The following PTPRK variants were observed in gnomAD, a reference collection of about 807,000 sequenced individuals.
The protein encoded by PTPRK is protein tyrosine phosphatase receptor type K.
In PTPRK, 75 loss-of-function variants were observed where a neutral mutation model predicts 178.0. The ratio of observed to expected loss-of-function variants is 0.42; its 90% CI spans 0.35 to 0.51. The LOEUF (loss-of-function observed/expected upper bound fraction) is 0.51, where lower values mean the gene tolerates loss of function less well. Ranked by LOEUF, PTPRK falls within the 20% of genes least tolerant of loss-of-function variation. The pLI is 0.02. For missense variants in PTPRK, 1,441 were observed against 1,797.8 expected, an observed-to-expected ratio of 0.80 and a Z score of 3.59; for synonymous variants, 637 against 620.6, an observed-to-expected ratio of 1.03 and a Z score of -0.39.
intron 3 of PTPRK, among the ~76,000 whole-genome samples, chr6:128,260,716 A>G (rs1158256242): frequency 6.6e-6 from 1 of 152,146 alleles, no homozygotes; most frequent in Non-Finnish European, 1.5e-5. Context: ...AATTATTTCA[A>G]AACAAGCTTA....
intron 13 of PTPRK, among the ~76,000 whole-genome samples, chr6:128,025,727 C>A (rs1485136858): frequency 6.6e-6 from 1 of 152,142 alleles, no homozygotes; most frequent in Non-Finnish European, 1.5e-5. Context: ...TTGCCTTTTC[C>A]AGCTACCAGT....
chr6:128,490,783 A>G (rs1182991408), intron 1 of PTPRK, among the ~76,000 whole-genome samples: 2 of 152,194 alleles, frequency 1.3e-5, no homozygotes, highest in African/African-American at 4.8e-5. Context: ...CCAGAGGCTG[A>G]AAGTCCAAGA....
intron 6 of PTPRK, among the ~76,000 whole-genome samples, chr6:128,208,705 G>A (rs867526289): frequency 2.4e-4 from 36 of 151,992 alleles, no homozygotes; most frequent in African/African-American, 8.5e-4. Flanking sequence ...TAGGCTAAAG[G>A]CTATGAAATG....
At chr6:128,000,204 G>T (rs1434595222) in intron 15 of PTPRK, 11 of 1,085,344 alleles carry the variant, frequency 1.0e-5, no homozygotes, top group Non-Finnish European at 1.1e-5. Context: ...ATACTGTAGA[G>T]AATGATATTT....
chr6:128,248,157 CT>C (rs1292595329), intron 3 of PTPRK, among the ~76,000 whole-genome samples: 2 of 152,174 alleles, frequency 1.3e-5, no homozygotes, highest in Non-Finnish European at 2.9e-5. Flanking sequence ...GTATCTTTAT[CT>C]GTTATGACAA....
At chr6:128,386,393 T>C (rs1384563487) in intron 2 of PTPRK, among the ~76,000 whole-genome samples, 1 of 152,156 alleles carries the variant, frequency 6.6e-6, no homozygotes, top group Admixed American at 6.5e-5. Context: ...ACAGGGTCTG[T>C]TACCTAGTCT....
chr6:128,416,705 T>C (rs1303771525), intron 1 of PTPRK, among the ~76,000 whole-genome samples: 3 of 151,532 alleles, frequency 2.0e-5, no homozygotes, highest in African/African-American at 7.3e-5. Flanking sequence ...CAACTGGCTT[T>C]TATTCCATGC....
chr6:128,183,199 C>A (rs891626435), intron 7 of PTPRK, among the ~76,000 whole-genome samples: 1 of 152,070 alleles, frequency 6.6e-6, no homozygotes, highest in African/African-American at 2.4e-5. Context: ...TAAATGATTT[C>A]TCTGACTAGT....
At chr6:128,133,695 T>C (rs573628366) in intron 7 of PTPRK, among the ~76,000 whole-genome samples, 1 of 151,376 alleles carries the variant, frequency 6.6e-6, no homozygotes, top group East Asian at 1.9e-4. Context: ...GCTATCTGAA[T>C]GAAATAATAA....
chr6:128,131,285 C>T (rs1414026516), intron 7 of PTPRK, among the ~76,000 whole-genome samples: 1 of 152,158 alleles, frequency 6.6e-6, no homozygotes, highest in Non-Finnish European at 1.5e-5. Context: ...CTGTGTGTTG[C>T]TTGAAAAACT....
At chr6:128,172,513 T>C (rs1298672127) in intron 7 of PTPRK, among the ~76,000 whole-genome samples, 3 of 151,858 alleles carry the variant, frequency 2.0e-5, no homozygotes, top group Admixed American at 6.6e-5. Context: ...TTTTCGCTCA[T>C]TACCAAAGCA....
intron 18 of PTPRK, among the ~76,000 whole-genome samples, chr6:127,993,722 A>C (rs4113586): frequency 6.6e-6 from 1 of 151,710 alleles, no homozygotes; most frequent in Non-Finnish European, 1.5e-5. Flanking sequence ...TCCAAGCTTT[A>C]TAAGTATTTC....
chr6:127,996,797 A>C, intron 17 of PTPRK, 104 bp downstream of exon 17: 3 of 1,355,924 alleles, frequency 2.2e-6, no homozygotes, highest in Non-Finnish European at 3.0e-6. Flanking sequence ...TATTAAATAG[A>C]TTACTTCATA....
intron 1 of PTPRK, among the ~76,000 whole-genome samples, chr6:128,410,180 G>A (rs1374747226): frequency 6.6e-6 from 1 of 152,170 alleles, no homozygotes; most frequent in Non-Finnish European, 1.5e-5. Context: ...GATATTCCAA[G>A]TAATTGTATT....
At chr6:128,385,349 A>C (rs1454755079) in intron 2 of PTPRK, among the ~76,000 whole-genome samples, 1 of 152,096 alleles carries the variant, frequency 6.6e-6, no homozygotes, top group Non-Finnish European at 1.5e-5. Flanking sequence ...AAATAATTAA[A>C]TTTGTTTGGT....
At chr6:128,289,674 A>G (rs940435163) in intron 3 of PTPRK, among the ~76,000 whole-genome samples, 3 of 152,112 alleles carry the variant, frequency 2.0e-5, no homozygotes, top group Non-Finnish European at 4.4e-5. Context: ...CTCTTAACAC[A>G]TAGATAAATA....
At chr6:128,290,334 G>A (rs1823182386) in intron 3 of PTPRK, among the ~76,000 whole-genome samples, 3 of 152,068 alleles carry the variant, frequency 2.0e-5, no homozygotes, top group South Asian at 2.1e-4. Context: ...ACAAAGATAT[G>A]CTTAACTGCA....
chr6:128,371,861 G>A (rs1283318825), intron 2 of PTPRK, among the ~76,000 whole-genome samples: 1 of 150,522 alleles, frequency 6.6e-6, no homozygotes, highest in Non-Finnish European at 1.5e-5. Flanking sequence ...TGGTGACAGA[G>A]TAAGACCTTG....
intron 13 of PTPRK, among the ~76,000 whole-genome samples, chr6:128,034,274 C>G (rs545349046): frequency 2.6e-5 from 4 of 152,202 alleles, no homozygotes; most frequent in East Asian, 1.9e-4. Flanking sequence ...ATCAACTTCT[C>G]CCTTGTGTTT....
Sources: gnomAD v4.1 joint callset for allele counts (sites outside exome capture counted in the v4.1 genomes callset) on GRCh38, gnomAD v4.1.1 for gene constraint, MANE v1.5 for transcripts, NCBI Gene and HGNC (gene_info 2026-07-23, HGNC 2026-07-21) for gene names.